The following FGFR1 variants were observed in gnomAD, a reference collection of about 807,000 sequenced individuals.
The protein encoded by FGFR1 is fibroblast growth factor receptor 1, also known as FGFR1/PLAG1 fusion.
FGFR1 carries 18 observed loss-of-function variants against 93.7 expected under a neutral mutation model. The ratio of observed to expected loss-of-function variants is 0.19; its 90% confidence interval spans 0.13 to 0.28. The LOEUF is 0.28. Among genes scored for constraint, FGFR1 ranks in the 10% least tolerant of loss-of-function variants. The pLI is 1.00. For synonymous variants in FGFR1, 448 were observed against 429.3 expected (o/e 1.04, Z -0.54); for missense variants, 731 against 1,080.4 (o/e 0.68, Z 4.53).
At position 38,424,739 on chromosome 8, in the gene FGFR1, T is replaced by C. The variant is rs1433863935; in HGVS notation, c.746-40A>G. ...AGAGGAGGCACTTGTCATGGGGACC[T>C]TGCCATGGCTAAAGAGGGGTGGGCT... On this transcript the variant is annotated intron_variant, in intron 6 of 17. Transcript: ENST00000447712. This position sits in a 1 kb window ranked among gnomAD's most constrained non-coding sequence, Gnocchi z 4.3. 6.3e-7 allele frequency: 1 copy of C among 1,595,516 alleles called. No individual in the cohort carries two copies. The highest frequency in any genetic ancestry group is 2.2e-5 in the East Asian group (1 of 44,560).
chr8:38,461,960 C>T (rs1834493407), intron 1 of FGFR1, among the ~76,000 whole-genome samples: 1 of 152,188 alleles, frequency 6.6e-6, no homozygotes, highest in South Asian at 2.1e-4. Context: ...TTTCCAAAGG[C>T]ATTTCTCACT....
In FGFR1 at chr8:38,424,405, G is replaced by T; in HGVS notation, c.936+104C>A. ...TGTGTGTGCCTGAAGCGTGAGGAATGATCCCATTCGGGGGCAACTGAGCCT... is the reference window on the plus strand; with the variant it reads ...TGTGTGTGCCTGAAGCGTGAGGAATTATCCCATTCGGGGGCAACTGAGCCT... On this transcript the variant is annotated intron_variant, in intron 7 of 17. Coordinates refer to ENST00000447712, the MANE Select transcript of FGFR1 (RefSeq NM_023110.3). This position sits in a 1 kb window ranked among gnomAD's most constrained non-coding sequence, Gnocchi z 4.3. 1 of 1,222,322 alleles carries T rather than the reference G, an allele frequency of 8.2e-7. No individual in the cohort carries two copies. Among genetic ancestry groups the T allele is most frequent in the Non-Finnish European group, 1.2e-6 (1 of 828,402 alleles). 75.7% of individuals were successfully genotyped at this position (1,222,322 alleles called of 1,614,324 possible).
intron 2 of FGFR1, chr8:38,434,317 A>C (rs1420719327): frequency 1.1e-5 from 2 of 184,736 alleles, no homozygotes; most frequent in Admixed American, 1.1e-4. Flanking sequence ...CGCTCAACCC[A>C]TATTGCTGCT....
intron 1 of FGFR1, chr8:38,467,778 G>A (rs1835870180): frequency 4.3e-6 from 1 of 233,100 alleles, no homozygotes; most frequent in Non-Finnish European, 8.5e-6. Context: ...AGGAGACGCG[G>A]ACGGAGGGAA....
chr8:38,448,277 A>C (rs953731103), intron 2 of FGFR1, among the ~76,000 whole-genome samples: 37 of 144,236 alleles, frequency 2.6e-4, no homozygotes, highest in Non-Finnish European at 5.0e-4. Context: ...ACAAAACACC[A>C]ATTTTTTTTT....
At chr8:38,416,807 C>T (rs959083492) in intron 12 of FGFR1, among the ~76,000 whole-genome samples, 3 of 152,104 alleles carry the variant, frequency 2.0e-5, no homozygotes, top group African/African-American at 7.2e-5. Flanking sequence ...AGCTGGAGTA[C>T]AATGGCGTGA....
chr8:38,436,236 A>AT (rs1370270860), intron 2 of FGFR1, among the ~76,000 whole-genome samples: 1 of 152,080 alleles, frequency 6.6e-6, no homozygotes, highest in Non-Finnish European at 1.5e-5. Context: ...TTAGCCAGGC[A>AT]TAGTGGTGCA....
At chr8:38,430,324 C>A (rs1822515395) in intron 2 of FGFR1, 1 of 232,894 alleles carries the variant, frequency 4.3e-6, no homozygotes, top group South Asian at 1.1e-4. Flanking sequence ...ATGCTCAGTT[C>A]TTTGCCAAGA....
intron 2 of FGFR1, among the ~76,000 whole-genome samples, chr8:38,444,051 CAAAAAAAAAAAAAA>C (rs746296068): frequency 4.0e-5 from 3 of 74,352 alleles, no homozygotes; most frequent in African/African-American, 1.5e-4. Flanking sequence ...GAAACTGTCT[CAAAAAAAAAAAAAA>C]AAAAAAAAAA....
intron 1 of FGFR1, among the ~76,000 whole-genome samples, chr8:38,463,704 C>A (rs946273612): frequency 3.9e-5 from 6 of 152,176 alleles, no homozygotes; most frequent in African/African-American, 1.2e-4. Flanking sequence ...TTAGGTAGTA[C>A]CCCTTGTTAA....
Position 38,419,748 on chromosome 8 carries a change from G to A in FGFR1, c.1082-13C>T, listed in dbSNP as rs185831613. 150 of 1,612,706 alleles carry A rather than the reference G, an allele frequency of 9.3e-5. 1 individual carries two copies. The Middle Eastern group carries it at 3.9e-3, about 42-fold the overall frequency. ...CTCTCTTCCAGGGCTGAGTCAGTGC[G>A]AACAGGGTGTTAGCAGGCTTGGAGG... is the stretch of plus-strand genomic sequence containing the variant. On this transcript the variant is annotated splice_polypyrimidine_tract_variant and intron_variant, in intron 8 of 17. Coordinates refer to ENST00000447712, the MANE Select transcript of FGFR1 (RefSeq NM_023110.3).
intron 12 of FGFR1, among the ~76,000 whole-genome samples, chr8:38,416,746 T>A (rs1407684634): frequency 1.3e-5 from 2 of 149,952 alleles, no homozygotes; most frequent in Non-Finnish European, 3.0e-5. Context: ...TGAGCCACTG[T>A]GCCTGGCCTA....
chr8:38,422,760 AAC>A, intron 7 of FGFR1: 1 of 438,144 alleles, frequency 2.3e-6, no homozygotes, highest in South Asian at 3.5e-5. Context: ...TACCATTTGT[AAC>A]ACAGCAAAAC....
intron 7 of FGFR1, chr8:38,422,762 C>T: frequency 2.3e-6 from 1 of 440,564 alleles, no homozygotes; most frequent in South Asian, 3.5e-5. Context: ...CCATTTGTAA[C>T]ACAGCAAAAC....
intron 2 of FGFR1, among the ~76,000 whole-genome samples, chr8:38,444,445 G>A (rs1236811103): frequency 6.6e-6 from 1 of 150,482 alleles, no homozygotes; most frequent in Non-Finnish European, 1.5e-5. Context: ...CTAAAGAACA[G>A]TGCCATGATT....
chr8:38,468,045 C>T lies in FGFR1; in HGVS notation c.-153G>A, dbSNP rs1835927571. 9.0e-6 allele frequency: 2 copies of T among 222,594 alleles called. No homozygotes were observed. Among genetic ancestry groups the T allele is most frequent in the Non-Finnish European group, 9.0e-6 (1 of 111,284 alleles). The allele number at this position is 222,594 out of a possible 1,614,324, so 13.8% of individuals were successfully genotyped here. On this transcript the variant is annotated 5_prime_UTR_variant, in exon 1 of 18. Transcript: ENST00000447712. ...GTGGCTTGTGCGAGCGGGCGTGTGC[C>T]CGCGTCCCCGGCTCCGGCCCGCCGC...
At chr8:38,421,342 C>T (rs1392504585) in intron 8 of FGFR1, among the ~76,000 whole-genome samples, 1 of 152,184 alleles carries the variant, frequency 6.6e-6, no homozygotes, top group African/African-American at 2.4e-5. Context: ...GATGGCAGTA[C>T]AGGAGGGTGG....
chr8:38,430,316 G>A, intron 2 of FGFR1: 1 of 244,472 alleles, frequency 4.1e-6, no homozygotes. Flanking sequence ...CTCCCCAGAT[G>A]CTCAGTTCTT....
intron 2 of FGFR1, among the ~76,000 whole-genome samples, chr8:38,438,362 T>G (rs1439384590): frequency 1.3e-5 from 2 of 151,940 alleles, no homozygotes; most frequent in Non-Finnish European, 2.9e-5. Flanking sequence ...GCCAACATGG[T>G]GAAACCCTAT....
Sources: allele counts gnomAD v4.1 joint callset (sites outside exome capture counted in the v4.1 genomes callset), GRCh38; gene constraint gnomAD v4.1.1; non-coding constraint Gnocchi (gnomAD v3.1); transcripts MANE v1.5; gene names NCBI Gene and HGNC (gene_info 2026-07-23, HGNC 2026-07-21).